Variants in GRIK3 observed in about 807,000 individuals in gnomAD.
GRIK3 encodes glutamate ionotropic receptor kainate type subunit 3.
Under a neutral mutation model 102.5 loss-of-function variants are expected in GRIK3, and 29 were observed. The observed-to-expected ratio is 0.28, with a 90% CI of 0.21 to 0.39. The LOEUF (loss-of-function observed/expected upper bound fraction) is 0.39. Among genes scored for constraint, GRIK3 ranks in the 10% least tolerant of loss-of-function variants. The pLI, the probability that GRIK3 is intolerant of heterozygous loss-of-function variation, is 1.00. For synonymous variants in GRIK3, 511 were observed against 504.9 expected (o/e 1.01, Z -0.16); for missense variants, 908 against 1,252.4 (o/e 0.73, Z 4.15).
chr1:36,855,091 C>G (rs1640635354), intron 7 of GRIK3, among the ~76,000 whole-genome samples: 1 of 152,134 alleles, frequency 6.6e-6, no homozygotes. Context: ...CAAATGTGCA[C>G]TTGGGAGCAA....
intron 1 of GRIK3, among the ~76,000 whole-genome samples, chr1:36,941,590 C>A (rs755287083): frequency 6.6e-6 from 1 of 151,998 alleles, no homozygotes; most frequent in East Asian, 1.9e-4. Flanking sequence ...CCCCTCCCAC[C>A]GTGGCTATGG....
intron 1 of GRIK3, among the ~76,000 whole-genome samples, chr1:36,959,748 C>G (rs1477901110): frequency 6.0e-5 from 7 of 116,510 alleles, no homozygotes; most frequent in African/African-American, 2.1e-4. Context: ...TCTGTGCGCC[C>G]CATTGAGTCT....
intron 5 of GRIK3, among the ~76,000 whole-genome samples, chr1:36,865,739 G>C (rs975520946): frequency 6.6e-6 from 1 of 152,242 alleles, no homozygotes; most frequent in Admixed American, 6.5e-5. Context: ...CAGGAGTCAG[G>C]AGCCAAGGCC....
chr1:36,870,159 G>A (rs1368035072), intron 4 of GRIK3, among the ~76,000 whole-genome samples: 1 of 152,222 alleles, frequency 6.6e-6, no homozygotes, highest in African/African-American at 2.4e-5. Context: ...GTCTGAGGCT[G>A]TCTTCTCAAG....
At chr1:37,030,288 T>C (rs1230855681) in intron 1 of GRIK3, among the ~76,000 whole-genome samples, 7 of 152,198 alleles carry the variant, frequency 4.6e-5, no homozygotes, top group Non-Finnish European at 8.8e-5. Flanking sequence ...AATTTCTCAT[T>C]GTTTTATACA....
intron 10 of GRIK3, among the ~76,000 whole-genome samples, chr1:36,839,861 C>G (rs1640425785): frequency 6.6e-6 from 1 of 152,176 alleles, no homozygotes; most frequent in African/African-American, 2.4e-5. Context: ...GCCTTCATGC[C>G]TTGAGCTCCA....
At chr1:36,894,517 T>C (rs1641151722) in intron 1 of GRIK3, among the ~76,000 whole-genome samples, 1 of 152,200 alleles carries the variant, frequency 6.6e-6, no homozygotes, top group Non-Finnish European at 1.5e-5. Flanking sequence ...TAACAACCAG[T>C]TAAGGCTGAA....
intron 10 of GRIK3, among the ~76,000 whole-genome samples, chr1:36,837,183 G>A (rs1245837255): frequency 1.3e-5 from 2 of 152,070 alleles, no homozygotes; most frequent in Non-Finnish European, 2.9e-5. Flanking sequence ...GCTCCCTGCA[G>A]GATGTGCTGA....
intron 1 of GRIK3, among the ~76,000 whole-genome samples, chr1:37,029,174 G>A (rs979267697): frequency 3.3e-5 from 5 of 151,882 alleles, no homozygotes; most frequent in South Asian, 2.1e-4. Flanking sequence ...AGGCCAAGGC[G>A]CCAGCCCCAT....
At chr1:36,825,577 G>A (rs376223378) in intron 11 of GRIK3, 26 bp downstream of exon 11, 9 of 1,498,592 alleles carry the variant, frequency 6.0e-6, no homozygotes, top group African/African-American at 4.2e-5. Context: ...CCTTGGGCCC[G>A]ATGTCTGGCC....
At chr1:36,817,009 G>A (rs763797989) in intron 13 of GRIK3, 51 bp downstream of exon 13, 5 of 1,289,082 alleles carry the variant, frequency 3.9e-6, no homozygotes, top group Non-Finnish European at 5.6e-6. Flanking sequence ...TCAGTAAAGG[G>A]TCCGGAGAGG....
In GRIK3 at chr1:36,805,941, A is replaced by C. The variant is rs548957093; in HGVS notation, c.2314+163T>G. ...ACAAAAGCGAAACTCCACCTCAAAA[A>C]AAAAAAAAAAAAAAAAAAAAGAAAA... On this transcript the variant is annotated intron_variant, in intron 14 of 15. Coordinates refer to ENST00000373091, the MANE Select transcript of GRIK3 (RefSeq NM_000831.4). Among the ~76,000 whole-genome samples the C allele has an allele frequency of 4.7e-5, 7 of 149,330 alleles. No homozygotes were observed. The East Asian group carries it at 1.4e-3, about 29-fold the overall frequency.
chr1:36,859,092 G>A lies in GRIK3; in HGVS notation c.1104+16C>T. ...TCCCGGGGAGACAACACTGGTGGGG[G>A]CTGTGGGGCACTCACCTCCTTGATG... On this transcript the variant is annotated intron_variant, in intron 7 of 15. Transcript: ENST00000373091. The A allele has an allele frequency of 1.9e-6, 3 of 1,593,096 alleles. No individual in the cohort carries two copies. The South Asian group carries it at 3.4e-5, about 18-fold the overall frequency.
intron 13 of GRIK3, among the ~76,000 whole-genome samples, chr1:36,807,472 T>G (rs1272485684): frequency 6.6e-6 from 1 of 152,150 alleles, no homozygotes; most frequent in East Asian, 1.9e-4. Flanking sequence ...GATGTCAACC[T>G]GCCTGACTGG....
intron 10 of GRIK3, among the ~76,000 whole-genome samples, chr1:36,839,524 C>A (rs1640422194): frequency 6.6e-6 from 1 of 151,944 alleles, no homozygotes; most frequent in Non-Finnish European, 1.5e-5. Context: ...CCCTCCCCAG[C>A]CTCCAAGGAA....
At chr1:37,026,954 A>T (rs1157828020) in intron 1 of GRIK3, among the ~76,000 whole-genome samples, 1 of 152,140 alleles carries the variant, frequency 6.6e-6, no homozygotes, top group Non-Finnish European at 1.5e-5. Context: ...GACTCCAAAA[A>T]AAATCATTCT....
intron 1 of GRIK3, among the ~76,000 whole-genome samples, chr1:37,010,006 G>T (rs369589829): frequency 2.0e-5 from 3 of 152,286 alleles, no homozygotes; most frequent in Admixed American, 6.5e-5. Flanking sequence ...CTAGAAAGAG[G>T]GGGGAGCAGA....
At chr1:36,844,554 G>C (rs1640498258) in intron 9 of GRIK3, among the ~76,000 whole-genome samples, 1 of 152,176 alleles carries the variant, frequency 6.6e-6, no homozygotes, top group Non-Finnish European at 1.5e-5. Context: ...CTGATGGAAA[G>C]GATCAGAGAG....
intron 10 of GRIK3, among the ~76,000 whole-genome samples, chr1:36,826,776 T>C (rs1642759462): frequency 6.6e-6 from 1 of 151,986 alleles, no homozygotes; most frequent in South Asian, 2.1e-4. Context: ...GTGGGGTAAT[T>C]CTAGGAATGC....
Sources: allele counts gnomAD v4.1 joint callset (sites outside exome capture counted in the v4.1 genomes callset), GRCh38; gene constraint gnomAD v4.1.1; transcripts MANE v1.5; gene names NCBI Gene and HGNC (gene_info 2026-07-23, HGNC 2026-07-21).